NBPF19: variants seen among roughly 807,000 people sequenced by gnomAD.
The protein encoded by NBPF19 is NBPF member 19, also known as NBPF family member NBPF19.
In NBPF19, 30 loss-of-function variants were observed where a neutral mutation model predicts 45.9. The ratio of observed to expected loss-of-function variants is 0.65; its 90% CI spans 0.49 to 0.89. The LOEUF is 0.89. Ranked by LOEUF, NBPF19 falls within the 40% of genes least tolerant of loss-of-function variation. NBPF19 has a pLI of 0.00. For synonymous variants in NBPF19, 183 were observed against 181.2 expected (o/e 1.01, Z -0.08); for missense variants, 495 against 471.8 (o/e 1.05, Z -0.46).
At chr1:149,521,162 T>G (rs1206144283) in intron 51 of NBPF19, among the ~76,000 whole-genome samples, 157 bp from the exon 52 acceptor site, 1 of 75,240 alleles carries the variant, frequency 1.3e-5, no homozygotes, top group African/African-American at 5.4e-5. Flanking sequence ...CCTGGCCCTG[T>G]TCTATCCCAA....
chr1:149,488,085 T>C lies in NBPF19; in HGVS notation c.1113T>C (p.Thr371=), dbSNP rs1317816626. 1.5e-3 allele frequency: 972 copies of C among 665,800 alleles called. 34 individuals are homozygous for C. In the East Asian group the frequency reaches 0.022, roughly 15 times the overall value. 41.2% of individuals were successfully genotyped at this position (665,800 alleles called of 1,614,324 possible). The change falls in exon 10 of 94, where the codon ACT becomes ACC. Residue 371 remains threonine (T), a synonymous_variant. Coordinates refer to ENST00000651566, the MANE Select transcript of NBPF19 (RefSeq NM_001351365.2). ...ACTCACTGGATAGATGTTATTCAAC[T>C]CCTTCAGGTTGTCTTGAACTGACTG... ...LQDSLDRCYS[T]PSGCLELTDS...
At chr1:149,487,309 G>A (rs1443831728) in intron 8 of NBPF19, 23 bp from the exon 9 acceptor site, 43 of 1,547,016 alleles carry the variant, frequency 2.8e-5, no homozygotes, top group African/African-American at 5.5e-5. Context: ...AATGTAAGAG[G>A]GCCCATCTGA....
Position 149,555,557 on chromosome 1 carries a change from C to T in NBPF19, c.*819C>T, listed in dbSNP as rs2087229781. On this transcript the variant is annotated 3_prime_UTR_variant, in exon 94 of 94. Coordinates refer to ENST00000651566, the MANE Select transcript of NBPF19 (RefSeq NM_001351365.2). ...GTAGAACACTGAGCAGGACAACTGA[C>T]CTGTCTCCTTCACATAGTCCATATC... 2 of 148,652 alleles carry T rather than the reference C, an allele frequency of 1.3e-5. No individual in the cohort carries two copies. 9.2% of individuals were successfully genotyped at this position (148,652 alleles called of 1,614,324 possible).
At chr1:149,528,971 G>T (rs2086920859) in intron 61 of NBPF19, among the ~76,000 whole-genome samples, 1 of 132,556 alleles carries the variant, frequency 7.5e-6, no homozygotes, top group Non-Finnish European at 1.6e-5. Context: ...GTGTGTGTGT[G>T]TGTGTCTATC....
chr1:149,487,470 T>C, intron 9 of NBPF19, 87 bp downstream of exon 9: 1 of 973,078 alleles, frequency 1.0e-6, no homozygotes, highest in Non-Finnish European at 1.6e-6. Flanking sequence ...CTGAAAATAA[T>C]GATTTTGTCT....
At position 149,487,400 on chromosome 1, in the gene NBPF19, G is replaced by C. The variant is rs1193825987; in HGVS notation, c.1040+17G>C. On this transcript the variant is annotated intron_variant, in intron 9 of 93. Coordinates refer to ENST00000651566, the MANE Select transcript of NBPF19 (RefSeq NM_001351365.2). The stretch of plus-strand genomic sequence containing the variant: ...AGGTCCCAGGTGAGTCTGAGAAATT[G>C]TGGACAGTTAATTTGATGTTGACAC... 9 of 1,398,404 alleles carry C rather than the reference G, an allele frequency of 6.4e-6. No individual in the cohort carries two copies. The highest frequency in any genetic ancestry group is 1.1e-5 in the South Asian group (1 of 87,040). 86.6% of individuals were successfully genotyped at this position (1,398,404 alleles called of 1,614,324 possible).
rs1311123448 is a variant in NBPF19 at position 149,488,042 on chromosome 1, G to A, written c.1070G>A (p.Gly357Glu). 169 of 684,406 alleles carry A rather than the reference G, an allele frequency of 2.5e-4. 1 individual carries two copies. Among genetic ancestry groups the A allele is most frequent in the Admixed American group, 2.2e-3 (100 of 46,200 alleles). The allele number at this position is 684,406 out of a possible 1,614,324, so 42.4% of individuals were successfully genotyped here. ...AGCAGGGAGCTGCTGGATGAGAAAG[G>A]GCCTGAAGTCTTGCAGGACTCACTG... is the stretch of plus-strand genomic sequence containing the variant. ...RLSRELLDEKGPEVLQDSLDR... is the reference protein window; with the variant it reads ...RLSRELLDEKEPEVLQDSLDR... Residue 357 changes from glycine (G) to glutamate (E), a missense_variant, in exon 10 of 94, where the codon GGG (glycine) becomes GAG (glutamate). Coordinates refer to ENST00000651566, the MANE Select transcript of NBPF19 (RefSeq NM_001351365.2).
At chr1:149,481,506 A>G in intron 6 of NBPF19, among the ~76,000 whole-genome samples, 1 of 112,900 alleles carries the variant, frequency 8.9e-6, no homozygotes, top group South Asian at 3.5e-4. Context: ...TTTGCAATGG[A>G]GTCTTGCTCT....
At chr1:149,519,445 CTG>C (rs374862187) in intron 49 of NBPF19, among the ~76,000 whole-genome samples, 298 of 10,670 alleles carry the variant, frequency 0.028, 4 homozygotes, top group Middle Eastern at 0.062. Context: ...CTCTCTCTCT[CTG>C]TGTGTGTGTG....
Position 149,554,880 on chromosome 1 carries a change from C to T in NBPF19, c.*142C>T, listed in dbSNP as rs1254275367. On this transcript the variant is annotated 3_prime_UTR_variant, in exon 94 of 94. Coordinates refer to ENST00000651566, the MANE Select transcript of NBPF19 (RefSeq NM_001351365.2). ...CATGGCTCTTTTCCTATTCTCAAAC[C>T]ATGCCAGTGGCAACCTGTGCTCAGT... 69 of 1,462,898 alleles carry T rather than the reference C, an allele frequency of 4.7e-5. 1 individual carries two copies. The highest frequency in any genetic ancestry group is 1.4e-5 in the Non-Finnish European group (15 of 1,075,390). The allele number at this position is 1,462,898 out of a possible 1,614,324, so 90.6% of individuals were successfully genotyped here.
chr1:149,488,375 G>T (rs1294650220), intron 10 of NBPF19, among the ~76,000 whole-genome samples, 190 bp downstream of exon 10: 1 of 142,438 alleles, frequency 7.0e-6, no homozygotes, highest in Non-Finnish European at 1.5e-5. Flanking sequence ...AGTGAGCAAG[G>T]CTCTCTTCCT....
In NBPF19 at chr1:149,487,384, G is replaced by T. The variant is rs1326113549; in HGVS notation, c.1040+1G>T. The stretch of plus-strand genomic sequence containing the variant: ...AGGACCAAGAGGCAACAGGTCCCAG[G>T]TGAGTCTGAGAAATTGTGGACAGTT... On this transcript the variant is annotated splice_donor_variant, in intron 9 of 93. Coordinates refer to ENST00000651566, the MANE Select transcript of NBPF19 (RefSeq NM_001351365.2). LOFTEE classifies it high-confidence loss of function. 5.9e-6 allele frequency: 9 copies of T among 1,515,524 alleles called. 1 individual carries two copies. In the South Asian group the frequency reaches 7.8e-5, roughly 13 times the overall value. 93.9% of individuals were successfully genotyped at this position (1,515,524 alleles called of 1,614,324 possible).
intron 2 of NBPF19, 59 bp from the exon 3 acceptor site, chr1:149,477,886 A>G: frequency 1.1e-6 from 1 of 877,434 alleles, no homozygotes; most frequent in Non-Finnish European, 1.9e-6. Context: ...CCCTGTAGGC[A>G]GTGACCACAG....
Position 149,554,381 on chromosome 1 carries a change from G to T in NBPF19, c.11289-114G>T, listed in dbSNP as rs1215324583. On this transcript the variant is annotated intron_variant, in intron 93 of 93. Coordinates refer to ENST00000651566, the MANE Select transcript of NBPF19 (RefSeq NM_001351365.2). ...AAATTTTTTTTTTTACCTCATTAAT[G>T]GATCTATCCTTTTTCTTTTCTAACC... The T allele has an allele frequency of 5.7e-6, 9 of 1,586,006 alleles. No individual in the cohort carries two copies. The Admixed American group carries it at 1.1e-4, about 19-fold the overall frequency.
In NBPF19 at chr1:149,488,038, A is replaced by T. The variant is rs2085722471; in HGVS notation, c.1066A>T (p.Lys356Ter). 1 of 687,546 alleles carries T rather than the reference A, an allele frequency of 1.5e-6. No homozygotes were observed. Among genetic ancestry groups the T allele is most frequent in the Non-Finnish European group, 2.7e-6 (1 of 376,874 alleles). The allele number at this position is 687,546 out of a possible 1,614,324, so 42.6% of individuals were successfully genotyped here. A position where few individuals can be genotyped will look rare whatever the true frequency, so the allele number is the denominator to read the frequency against. The change falls in exon 10 of 94, where the codon AAA (lysine) becomes TAA (stop). Residue 356 changes from lysine (K) to a stop codon, truncating the protein, a stop_gained. Coordinates refer to ENST00000651566, the MANE Select transcript of NBPF19 (RefSeq NM_001351365.2). LOFTEE classifies it high-confidence loss of function. ...PRLSRELLDE[K>*]GPEVLQDSLD... is the part of the protein sequence containing the mutation. ...GCTCAGCAGGGAGCTGCTGGATGAG[A>T]AAGGGCCTGAAGTCTTGCAGGACTC... is the stretch of plus-strand genomic sequence containing the variant.
intron 9 of NBPF19, 150 bp from the exon 10 acceptor site, chr1:149,487,863 C>T (rs1421635426): frequency 1.5e-6 from 1 of 684,450 alleles, no homozygotes; most frequent in African/African-American, 1.8e-5. Flanking sequence ...CCTAGTCTAT[C>T]CCAACATAAA....
chr1:149,483,459 A>G (rs1313266977), intron 7 of NBPF19, among the ~76,000 whole-genome samples: 1 of 88,840 alleles, frequency 1.1e-5, no homozygotes, highest in African/African-American at 4.6e-5. Context: ...AGTACAGCAC[A>G]CTGATGGGTC....
rs1211101904 is a variant in NBPF19 at position 149,554,981 on chromosome 1, A to C, written c.*243A>C. 1.4e-6 allele frequency: 1 copy of C among 698,318 alleles called. No homozygotes were observed. Among genetic ancestry groups the C allele is most frequent in the Non-Finnish European group, 2.3e-6 (1 of 436,798 alleles). The allele number at this position is 698,318 out of a possible 1,614,324, so 43.3% of individuals were successfully genotyped here. A position where few individuals can be genotyped will look rare whatever the true frequency, so the allele number is the denominator to read the frequency against. On this transcript the variant is annotated 3_prime_UTR_variant, in exon 94 of 94. Transcript: ENST00000651566. ...GCACATGCCGGGAGTGATCAGTCGGACATTTTAATTTGAACCACGTATCTT... is the reference window on the plus strand; with the variant it reads ...GCACATGCCGGGAGTGATCAGTCGGCCATTTTAATTTGAACCACGTATCTT...
chr1:149,476,952 GATAA>G (rs1158242236), intron 2 of NBPF19, among the ~76,000 whole-genome samples: 1 of 150,764 alleles, frequency 6.6e-6, no homozygotes, highest in African/African-American at 2.4e-5. Context: ...CAAACAAAAA[GATAA>G]ATAAATCAAA....
Sources: gnomAD v4.1 joint callset for allele counts (sites outside exome capture counted in the v4.1 genomes callset) on GRCh38, gnomAD v4.1.1 for gene constraint, MANE v1.5 for transcripts, NCBI Gene and HGNC (gene_info 2026-07-23, HGNC 2026-07-21) for gene names.